Variants in PAPPA2 observed in about 807,000 individuals in gnomAD.
PAPPA2 encodes the protein pappalysin-2.
Under a neutral mutation model 176.4 loss-of-function variants are expected in PAPPA2, and 86 were observed. The observed-to-expected ratio is 0.49, with a 90% CI of 0.41 to 0.58. The LOEUF (loss-of-function observed/expected upper bound fraction) is 0.58. Ranked by LOEUF, PAPPA2 falls within the 20% of genes least tolerant of loss-of-function variation. The probability of loss-of-function intolerance (pLI) is 0.00; values close to 1 mark genes in which losing one functional copy is unlikely to be tolerated. For synonymous variants in PAPPA2, 809 were observed against 852.2 expected (o/e 0.95, Z 0.88); for missense variants, 2,073 against 2,256.9 (o/e 0.92, Z 1.65).
intron 4 of PAPPA2, among the ~76,000 whole-genome samples, chr1:176,679,162 A>G (rs1406695068): frequency 6.6e-6 from 1 of 152,170 alleles, no homozygotes; most frequent in Admixed American, 6.6e-5. Flanking sequence ...GACTCTTTCA[A>G]TCTTCTTACT....
chr1:176,521,210 G>A (rs1649200947), intron 1 of PAPPA2, among the ~76,000 whole-genome samples: 1 of 152,102 alleles, frequency 6.6e-6, no homozygotes, highest in Admixed American at 6.6e-5. Flanking sequence ...CCATTAAGAA[G>A]CAAAGTTTAT....
intron 17 of PAPPA2, among the ~76,000 whole-genome samples, chr1:176,784,919 C>T (rs978126152): frequency 3.3e-5 from 5 of 152,150 alleles, no homozygotes; most frequent in African/African-American, 9.7e-5. Context: ...CCTCACATGG[C>T]AGAGCACAGA....
intron 4 of PAPPA2, among the ~76,000 whole-genome samples, chr1:176,684,376 GT>G (rs1198206425): frequency 1.3e-5 from 2 of 152,160 alleles, no homozygotes; most frequent in Non-Finnish European, 2.9e-5. Flanking sequence ...CGTTGGGGAA[GT>G]GAGAGAAGGT....
intron 2 of PAPPA2, among the ~76,000 whole-genome samples, chr1:176,569,315 C>T (rs767172667): frequency 1.9e-4 from 29 of 152,198 alleles, no homozygotes; most frequent in South Asian, 4.1e-4. Context: ...TGATGTCTGT[C>T]CTTTGTAATT....
intron 9 of PAPPA2, 93 bp downstream of exon 9, chr1:176,702,828 G>C (rs1452899409): frequency 7.4e-6 from 11 of 1,479,216 alleles, no homozygotes; most frequent in Non-Finnish European, 1.0e-5. Context: ...CAGGGACACT[G>C]TTCTCTAAAC....
chr1:176,784,748 G>A (rs1371239237), intron 17 of PAPPA2, among the ~76,000 whole-genome samples: 1 of 152,014 alleles, frequency 6.6e-6, no homozygotes, highest in Non-Finnish European at 1.5e-5. Context: ...CACCACACCT[G>A]GCTAATTTTT....
At chr1:176,750,627 GACAACAACA>G (rs547536169) in intron 14 of PAPPA2, among the ~76,000 whole-genome samples, 20 of 151,422 alleles carry the variant, frequency 1.3e-4, no homozygotes, top group South Asian at 2.1e-4. Flanking sequence ...AAAACAAAGT[GACAACAACA>G]ACAACAACAA....
chr1:176,701,289 A>G (rs1660641310), intron 8 of PAPPA2, among the ~76,000 whole-genome samples: 1 of 152,332 alleles, frequency 6.6e-6, no homozygotes, highest in African/African-American at 2.4e-5. Flanking sequence ...TTTTTCCTCA[A>G]GAAAAGTAAA....
At chr1:176,698,353 G>T (rs1343187822) in intron 7 of PAPPA2, among the ~76,000 whole-genome samples, 9 of 152,194 alleles carry the variant, frequency 5.9e-5, no homozygotes, top group Non-Finnish European at 8.8e-5. Flanking sequence ...GGCTGACTCT[G>T]CTAGTTCTCG....
At chr1:176,649,289 G>T (rs1558496132) in intron 3 of PAPPA2, among the ~76,000 whole-genome samples, 1 of 150,814 alleles carries the variant, frequency 6.6e-6, no homozygotes, top group Non-Finnish European at 1.5e-5. Context: ...GGTCCTTTTT[G>T]CTGAATTCTT....
intron 14 of PAPPA2, among the ~76,000 whole-genome samples, chr1:176,756,515 A>G (rs566858376): frequency 3.7e-4 from 57 of 152,344 alleles, no homozygotes; most frequent in African/African-American, 1.3e-3. Flanking sequence ...GCTAGGAAGC[A>G]CATTAACTGT....
chr1:176,634,966 AATAGATAGATAGATAG>A lies in PAPPA2; in HGVS notation c.1992-35969_1992-35954del, dbSNP rs3979574. On this transcript the variant is annotated intron_variant, in intron 3 of 22. Transcript: ENST00000367662. Reference sequence around the variant, plus strand: ...TGATAGGTAGATAGATAGATAGATAAATAGATAGATAGATAGATAGATAGATAGATAGATAGATAGA... The same window carrying A: ...TGATAGGTAGATAGATAGATAGATAAATAGATAGATAGATAGATAGATAGA... Among the ~76,000 whole-genome samples, 321 of 135,246 alleles carry A rather than the reference AATAGATAGATAGATAG, an allele frequency of 2.4e-3. 3 individuals carry two copies. The highest frequency in any genetic ancestry group is 8.2e-3 in the African/African-American group (295 of 35,848). 88.7% of individuals were successfully genotyped at this position (135,246 alleles called of 152,430 possible). A position where few individuals can be genotyped will look rare whatever the true frequency, so the allele number is the denominator to read the frequency against.
At chr1:176,816,724 G>C (rs1369920687) in intron 21 of PAPPA2, among the ~76,000 whole-genome samples, 2 of 152,150 alleles carry the variant, frequency 1.3e-5, no homozygotes, top group East Asian at 3.9e-4. Context: ...CTCTAAGCCT[G>C]AGAGATAATA....
chr1:176,577,901 G>A (rs1225234227), intron 2 of PAPPA2, among the ~76,000 whole-genome samples: 2 of 152,032 alleles, frequency 1.3e-5, no homozygotes, highest in Non-Finnish European at 2.9e-5. Flanking sequence ...TGTTTTTTTA[G>A]TTACCAGAGT....
intron 3 of PAPPA2, among the ~76,000 whole-genome samples, chr1:176,627,987 A>G (rs1656122900): frequency 6.6e-6 from 1 of 152,222 alleles, no homozygotes; most frequent in South Asian, 2.1e-4. Context: ...TGAAATGGTC[A>G]TTAGGCGAGC....
At chr1:176,487,116 A>G (rs187557900) in intron 1 of PAPPA2, among the ~76,000 whole-genome samples, 10 of 152,318 alleles carry the variant, frequency 6.6e-5, no homozygotes, top group Non-Finnish European at 1.2e-4. Flanking sequence ...GACATCAACT[A>G]TTTAAAAACG....
intron 3 of PAPPA2, among the ~76,000 whole-genome samples, chr1:176,617,062 TTTCAA>T (rs140746984): frequency 0.018 from 2,763 of 152,272 alleles, 48 homozygotes; most frequent in African/African-American, 0.047. Context: ...GCTCTGTGGA[TTTCAA>T]TTCAACACTT....
At chr1:176,800,014 C>G (rs374234505) in intron 20 of PAPPA2, 47 bp from the exon 21 acceptor site, 1 of 1,604,844 alleles carries the variant, frequency 6.2e-7, no homozygotes, top group Middle Eastern at 1.7e-4. Context: ...TCACACACAA[C>G]AAATGTCTTT....
At chr1:176,726,449 G>A (rs1661880634) in intron 12 of PAPPA2, among the ~76,000 whole-genome samples, 1 of 152,162 alleles carries the variant, frequency 6.6e-6, no homozygotes, top group African/African-American at 2.4e-5. Context: ...TTCAAAACTG[G>A]TGAATGCATG....
Sources: allele counts gnomAD v4.1 joint callset (sites outside exome capture counted in the v4.1 genomes callset), GRCh38; gene constraint gnomAD v4.1.1; transcripts MANE v1.5; gene names NCBI Gene and HGNC (gene_info 2026-07-23, HGNC 2026-07-21).